The following ADGRL2 variants were observed in gnomAD, a reference collection of about 807,000 sequenced individuals.
The protein encoded by ADGRL2 is calcium-independent alpha-latrotoxin receptor 2.
Under a neutral mutation model 157.4 loss-of-function variants are expected in ADGRL2, and 44 were observed. That is an observed-to-expected ratio of 0.28 (90% CI 0.22 to 0.36). The LOEUF is 0.36. Among genes scored for constraint, ADGRL2 ranks in the 10% least tolerant of loss-of-function variants. The pLI, the probability that ADGRL2 is intolerant of heterozygous loss-of-function variation, is 1.00. For synonymous variants in ADGRL2, 585 were observed against 624.7 expected, an observed-to-expected ratio of 0.94 and a Z score of 0.95; for missense variants, 1,510 against 1,768.9, an observed-to-expected ratio of 0.85 and a Z score of 2.63.
intron 13 of ADGRL2, among the ~76,000 whole-genome samples, chr1:81,966,916 CCCTTA>C (rs1196032397): frequency 7.9e-5 from 12 of 152,132 alleles, no homozygotes; most frequent in African/African-American, 2.9e-4. Context: ...TGAAAATTAA[CCCTTA>C]CCTTACTTAG....
intron 2 of ADGRL2, among the ~76,000 whole-genome samples, chr1:81,772,911 A>T (rs2086433551): frequency 6.6e-6 from 1 of 152,184 alleles, no homozygotes; most frequent in Non-Finnish European, 1.5e-5. Context: ...ACTAAAAATG[A>T]TACATATTAT....
At chr1:81,386,505 A>AT (rs1369450051) in intron 1 of ADGRL2, among the ~76,000 whole-genome samples, 3 of 151,964 alleles carry the variant, frequency 2.0e-5, no homozygotes, top group Non-Finnish European at 4.4e-5. Flanking sequence ...ACTCACAGTG[A>AT]TTTTCTCTGC....
Position 81,990,698 on chromosome 1 carries a change from C to A in ADGRL2, c.3963C>A (p.Ser1321Arg). 1 of 1,614,084 alleles carries A rather than the reference C, an allele frequency of 6.2e-7. No individual in the cohort carries two copies. Among genetic ancestry groups the A allele is most frequent in the African/African-American group, 1.3e-5 (1 of 75,020 alleles). ...CAGATGCTTCATCTTTAATGCACAG[C>A]GACAACCCAGGGCTGGAGCTCCATC... ...IVADASSLMHSDNPGLELHHK... is the reference protein window; with the variant it reads ...IVADASSLMHRDNPGLELHHK... Residue 1321 changes from serine to arginine, a missense_variant, in exon 24 of 24, where the codon AGC becomes AGA. Physicochemically the swap from Ser to Arg is moderately radical, Grantham distance 110. Transcript: ENST00000686636.
intron 2 of ADGRL2, among the ~76,000 whole-genome samples, chr1:81,535,528 T>C (rs1167942468): frequency 6.6e-5 from 10 of 152,090 alleles, no homozygotes; most frequent in Non-Finnish European, 1.5e-5. Context: ...ATTGAATTTG[T>C]AGTAAAAGTG....
intron 1 of ADGRL2, among the ~76,000 whole-genome samples, chr1:81,311,408 A>G (rs1659746641): frequency 6.6e-6 from 1 of 152,034 alleles, no homozygotes; most frequent in Non-Finnish European, 1.5e-5. Context: ...TTCTTTTTTC[A>G]TATTTCCCAG....
intron 2 of ADGRL2, among the ~76,000 whole-genome samples, chr1:81,445,599 T>C (rs778691211): frequency 3.3e-5 from 5 of 152,216 alleles, no homozygotes; most frequent in Admixed American, 6.5e-5. Flanking sequence ...CTCTGAATCA[T>C]GATCATCATT....
At chr1:81,410,571 C>T (rs1032236997) in intron 1 of ADGRL2, among the ~76,000 whole-genome samples, 10 of 152,292 alleles carry the variant, frequency 6.6e-5, no homozygotes, top group African/African-American at 2.4e-4. Flanking sequence ...GCTATGCCAG[C>T]CTGGAGCTCC....
At chr1:81,607,558 GT>G (rs1312600388) in intron 3 of ADGRL2, among the ~76,000 whole-genome samples, 1 of 117,194 alleles carries the variant, frequency 8.5e-6, no homozygotes, top group African/African-American at 2.6e-5. Context: ...ACACCAAAAA[GT>G]TCCAAGTTGA....
chr1:81,371,177 C>A (rs1033870320), intron 1 of ADGRL2, among the ~76,000 whole-genome samples: 1 of 152,170 alleles, frequency 6.6e-6, no homozygotes, highest in Non-Finnish European at 1.5e-5. Flanking sequence ...TTAGCCAAGG[C>A]TACTAGAACC....
At chr1:81,465,923 G>C (rs929483211) in intron 2 of ADGRL2, among the ~76,000 whole-genome samples, 1 of 152,126 alleles carries the variant, frequency 6.6e-6, no homozygotes, top group Non-Finnish European at 1.5e-5. Context: ...ACTGGGCTAA[G>C]CAAGGAAAAT....
chr1:81,579,258 A>G (rs550913869), intron 2 of ADGRL2: 3 of 152,198 alleles, frequency 2.0e-5, no homozygotes, highest in East Asian at 1.9e-4. Context: ...GTCTCCATGT[A>G]TATAATACAT....
chr1:81,711,228 C>A (rs2083916531), intron 1 of ADGRL2, among the ~76,000 whole-genome samples: 1 of 152,220 alleles, frequency 6.6e-6, no homozygotes, highest in African/African-American at 2.4e-5. Flanking sequence ...GCAATAAGTA[C>A]TGTTGATTGT....
chr1:81,903,979 G>A (rs2094540146), intron 2 of ADGRL2, among the ~76,000 whole-genome samples: 1 of 151,510 alleles, frequency 6.6e-6, no homozygotes, highest in South Asian at 2.1e-4. Flanking sequence ...TGGGGGAGAT[G>A]GCATATAATT....
rs535887394 is a variant in ADGRL2 at position 81,565,306 on chromosome 1, C to A, written c.-247-15570C>A. Among the ~76,000 whole-genome samples, 4 of 152,300 alleles carry A rather than the reference C, an allele frequency of 2.6e-5. No individual in the cohort carries two copies. In the South Asian group the frequency reaches 8.3e-4, roughly 32 times the overall value. On this transcript the variant is annotated intron_variant, in intron 2 of 24. Coordinates refer to the ADGRL2 transcript ENST00000370721. Reference sequence around the variant, plus strand: ...AATACAAACTTTGCACTCTCCTTAGCTACAGAACAGGATAGAATGTTAAGA... The same window carrying A: ...AATACAAACTTTGCACTCTCCTTAGATACAGAACAGGATAGAATGTTAAGA...
chr1:81,386,435 C>T (rs923741205), intron 1 of ADGRL2, among the ~76,000 whole-genome samples: 2 of 152,124 alleles, frequency 1.3e-5, no homozygotes, highest in African/African-American at 2.4e-5. Flanking sequence ...TCTTCTTCCT[C>T]CCCTATTTAT....
intron 2 of ADGRL2, among the ~76,000 whole-genome samples, chr1:81,540,479 G>C (rs907499490): frequency 6.6e-6 from 1 of 152,200 alleles, no homozygotes; most frequent in South Asian, 2.1e-4. Context: ...TGCATAGCAA[G>C]TGCTTGAAGG....
chr1:81,335,662 C>T (rs1570651147), intron 1 of ADGRL2, among the ~76,000 whole-genome samples: 1 of 152,128 alleles, frequency 6.6e-6, no homozygotes, highest in East Asian at 1.9e-4. Context: ...ACTCCATTTT[C>T]CCTAATATCT....
intron 1 of ADGRL2, among the ~76,000 whole-genome samples, chr1:81,356,968 A>AG (rs1385226447): frequency 1.9e-5 from 2 of 104,098 alleles, no homozygotes; most frequent in African/African-American, 6.3e-5. Context: ...AAAAAAAAAA[A>AG]AAAAAGAAGT....
chr1:81,426,302 G>T (rs1470300630), intron 1 of ADGRL2, among the ~76,000 whole-genome samples: 1 of 152,090 alleles, frequency 6.6e-6, no homozygotes, highest in Non-Finnish European at 1.5e-5. Context: ...AGGGGAGGTG[G>T]GTCAGACAAC....
Sources: allele counts gnomAD v4.1 joint callset (sites outside exome capture counted in the v4.1 genomes callset), GRCh38; gene constraint gnomAD v4.1.1; transcripts MANE v1.5; gene names NCBI Gene and HGNC (gene_info 2026-07-23, HGNC 2026-07-21).